The following CADPS2 variants were observed in gnomAD, a reference collection of about 807,000 sequenced individuals.
CADPS2 encodes the protein calcium-dependent secretion activator 2.
In CADPS2, 93 loss-of-function variants were observed where a neutral mutation model predicts 172.5. The observed-to-expected ratio is 0.54, with a 90% confidence interval of 0.46 to 0.64. CADPS2 has a LOEUF of 0.64. Among genes scored for constraint, CADPS2 ranks in the 30% least tolerant of loss-of-function variants. The pLI is 0.00. For synonymous variants in CADPS2, 546 were observed against 555.2 expected, an observed-to-expected ratio of 0.98 and a Z score of 0.23; for missense variants, 1,420 against 1,565.9, an observed-to-expected ratio of 0.91 and a Z score of 1.57.
At chr7:122,364,128 GGT>G (rs1211776881) in intron 25 of CADPS2, among the ~76,000 whole-genome samples, 1 of 152,066 alleles carries the variant, frequency 6.6e-6, no homozygotes, top group Non-Finnish European at 1.5e-5. Flanking sequence ...AATACTCAAG[GGT>G]TCAGGTGTGG....
chr7:122,831,132 T>G (rs1017173088), intron 1 of CADPS2, among the ~76,000 whole-genome samples: 4 of 152,162 alleles, frequency 2.6e-5, no homozygotes, highest in Non-Finnish European at 5.9e-5. Flanking sequence ...TACAAGAAAG[T>G]CAGCCTCCTT....
intron 3 of CADPS2, among the ~76,000 whole-genome samples, chr7:122,636,383 T>C (rs73220261): frequency 0.013 from 1,929 of 152,046 alleles, 22 homozygotes; most frequent in Non-Finnish European, 0.021. Flanking sequence ...ATGAATTTCA[T>C]GGTTGGAATT....
At chr7:122,860,957 T>C (rs1197122409) in intron 1 of CADPS2, among the ~76,000 whole-genome samples, 1 of 152,216 alleles carries the variant, frequency 6.6e-6, no homozygotes, top group Non-Finnish European at 1.5e-5. Flanking sequence ...AGTTAAATAG[T>C]AATGGTATGA....
intron 2 of CADPS2, among the ~76,000 whole-genome samples, chr7:122,728,331 C>G (rs2137395455): frequency 6.6e-6 from 1 of 151,870 alleles, no homozygotes; most frequent in South Asian, 2.1e-4. Context: ...AATCAATAAA[C>G]AACTGCAATT....
At chr7:122,331,542 G>A (rs1213244918) in intron 28 of CADPS2, among the ~76,000 whole-genome samples, 1 of 152,176 alleles carries the variant, frequency 6.6e-6, no homozygotes, top group African/African-American at 2.4e-5. Context: ...GGGAAGCTGA[G>A]GCATGAGAAT....
intron 2 of CADPS2, among the ~76,000 whole-genome samples, chr7:122,694,557 A>C (rs1182650571): frequency 2.6e-5 from 4 of 152,182 alleles, no homozygotes; most frequent in African/African-American, 9.6e-5. Flanking sequence ...GAGAGGGGTT[A>C]GAAGCTGTGG....
chr7:122,438,470 G>C lies in CADPS2; in HGVS notation c.2353-6C>G, dbSNP rs2050936183. 1 of 1,612,240 alleles carries C rather than the reference G, an allele frequency of 6.2e-7. No homozygotes were observed. The highest frequency in any genetic ancestry group is 8.5e-7 in the Non-Finnish European group (1 of 1,178,984). ...GCAATATCTTTCATTAAAACCTACA[G>C]AGAGAGGAAGTGGAAGGGTGAGGGG... On this transcript the variant is annotated splice_region_variant and splice_polypyrimidine_tract_variant and intron_variant, in intron 16 of 29. Transcript: ENST00000449022.
At position 122,554,663 on chromosome 7, in the gene CADPS2, G is replaced by A; in HGVS notation, c.1362C>T (p.Ser454=). The A allele has an allele frequency of 6.2e-7, 1 of 1,608,686 alleles. No individual in the cohort carries two copies. Among genetic ancestry groups the A allele is most frequent in the South Asian group, 1.1e-5 (1 of 90,110 alleles). ...TTCGGTGTAATTCAGCTGATTTGGA[G>A]CTATTAGAAGTTGGGTATAATATCA... ...GRVILYPTSN[S]SKSAELHRMV... is the part of the protein sequence containing the mutation. Residue 454 remains serine, a synonymous_variant, in exon 8 of 30, where the codon AGC becomes AGT. Transcript: ENST00000449022.
chr7:122,610,301 C>T (rs1231558318), intron 6 of CADPS2, among the ~76,000 whole-genome samples: 1 of 150,768 alleles, frequency 6.6e-6, no homozygotes, highest in Non-Finnish European at 1.5e-5. Flanking sequence ...TAAATAACAG[C>T]CCATGAAACT....
chr7:122,551,217 G>A (rs898089373), intron 8 of CADPS2, among the ~76,000 whole-genome samples: 1 of 151,898 alleles, frequency 6.6e-6, no homozygotes, highest in Non-Finnish European at 1.5e-5. Context: ...TTAAAATTAT[G>A]TTCTATTCTC....
chr7:122,627,652 A>C (rs1313058973), intron 4 of CADPS2, among the ~76,000 whole-genome samples: 1 of 152,102 alleles, frequency 6.6e-6, no homozygotes, highest in African/African-American at 2.4e-5. Context: ...CTAGAAAATC[A>C]CTTAAACTTT....
At chr7:122,586,997 C>A (rs1316130534) in intron 6 of CADPS2, among the ~76,000 whole-genome samples, 1 of 151,490 alleles carries the variant, frequency 6.6e-6, no homozygotes, top group Non-Finnish European at 1.5e-5. Flanking sequence ...AAATGCATCA[C>A]TAATTTTATA....
chr7:122,741,322 G>T (rs1308951896), intron 1 of CADPS2, among the ~76,000 whole-genome samples: 1 of 152,138 alleles, frequency 6.6e-6, no homozygotes, highest in Non-Finnish European at 1.5e-5. Context: ...TAGGGAAGAA[G>T]GATGGCTGTG....
At chr7:122,674,099 G>T (rs150731470) in intron 2 of CADPS2, among the ~76,000 whole-genome samples, 5,455 of 152,234 alleles carry the variant, frequency 0.036, 186 homozygotes, top group Non-Finnish European at 0.049. Flanking sequence ...CCCGGGGCCA[G>T]CGGTGCTGGC....
chr7:122,381,869 T>C (rs1407826413), intron 24 of CADPS2, among the ~76,000 whole-genome samples: 1 of 152,166 alleles, frequency 6.6e-6, no homozygotes, highest in Non-Finnish European at 1.5e-5. Context: ...AAGGGGTAAA[T>C]CCAAATAGTG....
At chr7:122,680,246 A>G (rs1457105217) in intron 2 of CADPS2, among the ~76,000 whole-genome samples, 1 of 152,268 alleles carries the variant, frequency 6.6e-6, no homozygotes, top group African/African-American at 2.4e-5. Flanking sequence ...TCAAATGTGA[A>G]GAATCACAGC....
intron 15 of CADPS2, among the ~76,000 whole-genome samples, chr7:122,446,853 C>A (rs1202237917): frequency 6.6e-6 from 1 of 152,140 alleles, no homozygotes; most frequent in Non-Finnish European, 1.5e-5. Flanking sequence ...TGGCAGTAAG[C>A]AGGTGCAACT....
chr7:122,812,495 C>G (rs1211523686), intron 1 of CADPS2, among the ~76,000 whole-genome samples: 1 of 151,620 alleles, frequency 6.6e-6, no homozygotes, highest in African/African-American at 2.4e-5. Context: ...GCAGCTAGCC[C>G]AGGACCTGTC....
chr7:122,707,984 A>T (rs1461491158), intron 2 of CADPS2, among the ~76,000 whole-genome samples: 6 of 151,754 alleles, frequency 4.0e-5, no homozygotes, highest in Non-Finnish European at 1.5e-5. Flanking sequence ...TGTATATTTA[A>T]TGTGTATAAC....
Sources: allele counts gnomAD v4.1 joint callset (sites outside exome capture counted in the v4.1 genomes callset), GRCh38; gene constraint gnomAD v4.1.1; transcripts MANE v1.5; gene names NCBI Gene and HGNC (gene_info 2026-07-23, HGNC 2026-07-21).